MED1: variants seen among roughly 807,000 people sequenced by gnomAD.
MED1 encodes the protein mediator of RNA polymerase II transcription subunit 1.
A neutral mutation model predicts 121.3 loss-of-function variants in MED1; 17 were observed. The observed-to-expected ratio is 0.14, with a 90% CI of 0.10 to 0.21. The LOEUF is 0.21. Among genes scored for constraint, MED1 ranks in the 10% least tolerant of loss-of-function variants. MED1 has a pLI of 1.00. For synonymous variants in MED1, 661 were observed against 694.4 expected (o/e 0.95, Z 0.76); for missense variants, 1,558 against 1,919.4 (o/e 0.81, Z 3.52).
In MED1 at chr17:39,406,603, AC is replaced by A. The variant is rs1353726989; in HGVS notation, c.*871del. 1.0e-6 allele frequency: 1 copy of A among 983,778 alleles called. No individual in the cohort carries two copies. The highest frequency in any genetic ancestry group is 6.2e-5 in the Admixed American group (1 of 16,074). The allele number at this position is 983,778 out of a possible 1,614,324, so 60.9% of individuals were successfully genotyped here. ...AAGGAAAATGAGATTACAAGTCAATACCTCCACAGAGAGGTAACTCCTAATA... is the reference window on the plus strand; with the variant it reads ...AAGGAAAATGAGATTACAAGTCAATACTCCACAGAGAGGTAACTCCTAATA... On this transcript the variant is annotated 3_prime_UTR_variant, in exon 17 of 17. Transcript: ENST00000300651.
rs758440990 is a variant in MED1 at position 39,407,769 on chromosome 17, A to G, written c.4452T>C (p.Asp1484=). 5 of 1,614,070 alleles carry G rather than the reference A, an allele frequency of 3.1e-6. No individual in the cohort carries two copies. The highest frequency in any genetic ancestry group is 3.4e-6 in the Non-Finnish European group (4 of 1,180,020). The change falls in exon 17 of 17, where the codon GAT becomes GAC. Residue 1484 remains aspartate, a synonymous_variant. Transcript: ENST00000300651. ...KSYQNSPSSD[D]GIRPLPEYST... ...TGTATTCTGGAAGTGGTCGGATACC[A>G]TCGTCTGAGCTGGGACTATTCTGAT...
At chr17:39,443,722 G>A (rs2048700427) in intron 2 of MED1, 94 bp from the exon 3 acceptor site, 1 of 992,718 alleles carries the variant, frequency 1.0e-6, no homozygotes. Context: ...AATATTGCAG[G>A]ACAGTCTATA....
chr17:39,436,888 C>T (rs985695312), intron 6 of MED1, among the ~76,000 whole-genome samples: 28 of 152,162 alleles, frequency 1.8e-4, no homozygotes, highest in African/African-American at 6.7e-4. Context: ...GTGCCTCAGC[C>T]TCCTGAGTAG....
chr17:39,435,154 C>T (rs2144757476), intron 6 of MED1, among the ~76,000 whole-genome samples: 1 of 152,052 alleles, frequency 6.6e-6, no homozygotes, highest in East Asian at 1.9e-4. Flanking sequence ...GGCAACAGAG[C>T]AAGACTGTGT....
At chr17:39,439,471 G>A (rs1383423869) in intron 5 of MED1, among the ~76,000 whole-genome samples, 2 of 152,076 alleles carry the variant, frequency 1.3e-5, no homozygotes, top group African/African-American at 4.8e-5. Context: ...GCCATACATG[G>A]AATTCATATC....
intron 6 of MED1, among the ~76,000 whole-genome samples, chr17:39,437,529 C>T (rs972530700): frequency 4.6e-5 from 7 of 151,966 alleles, no homozygotes; most frequent in South Asian, 2.1e-4. Flanking sequence ...CCAGGCCACC[C>T]GGGAGCAAAG....
rs376147814 is a variant in MED1, at chr17:39,424,699, T to C, written c.779A>G (p.Glu260Gly). The C allele has an allele frequency of 2.0e-5, 32 of 1,611,640 alleles. No individual in the cohort carries two copies. The highest frequency in any genetic ancestry group is 2.5e-5 in the Non-Finnish European group (29 of 1,178,896). ...SLGMNASVTI[E>G]GTSAVYKLPI... is the part of the protein sequence containing the mutation. Reference sequence around the variant, plus strand: ...GAGTTTGTACACAGCAGATGTTCCTTCAATTGTCACTGATGCATTCATGCC... The same window carrying C: ...GAGTTTGTACACAGCAGATGTTCCTCCAATTGTCACTGATGCATTCATGCC... Residue 260 changes from glutamate (E) to glycine (G), a missense_variant, in exon 11 of 17, where the codon GAA (glutamate) becomes GGA (glycine). This residue lies in a region of MED1 where 443 missense variants were observed against 532.4 expected (regional missense o/e 0.83). Transcript: ENST00000300651.
Position 39,440,021 on chromosome 17 carries a change from A to AAGGAAGGAAG in MED1, c.399+364_399+365insCTTCCTTCCT, listed in dbSNP as rs1567652006. On this transcript the variant is annotated intron_variant, in intron 5 of 16. Transcript: ENST00000300651. The surrounding 1 kb of genome is among the most constrained non-coding windows in gnomAD (Gnocchi z 4.1). ...AGGAAGGAAGGAAGGAAGGAAGGAA[A>AAGGAAGGAAG]GAAAGAAAGAAAGAGAGAAAGAGAA... Among the ~76,000 whole-genome samples the AAGGAAGGAAG allele has an allele frequency of 0.047, 3,497 of 74,364 alleles. 46 individuals are homozygous for AAGGAAGGAAG. The highest frequency in any genetic ancestry group is 0.083 in the Non-Finnish European group (2,469 of 29,666). 48.8% of individuals were successfully genotyped at this position (74,364 alleles called of 152,430 possible).
intron 7 of MED1, 58 bp from the exon 8 acceptor site, chr17:39,432,074 T>C (rs2048569924): frequency 1.5e-6 from 2 of 1,292,704 alleles, no homozygotes. Context: ...CCAAGCGGGG[T>C]GGCTCAGCCT....
intron 16 of MED1, among the ~76,000 whole-genome samples, chr17:39,414,648 T>A: frequency 9.2e-6 from 1 of 109,096 alleles, no homozygotes; most frequent in East Asian, 2.5e-4. Flanking sequence ...TTTTTTTTTT[T>A]TTTTTTTTTT....
At position 39,437,143 on chromosome 17, in the gene MED1, G is replaced by C. The variant is rs539782060; in HGVS notation, c.428+2022C>G. ...GACGGGGTTTCTCCGTGTTGGTCAGGCTGGTCTCGAACTCCTGACTTCAGG... is the reference window on the plus strand; with the variant it reads ...GACGGGGTTTCTCCGTGTTGGTCAGCCTGGTCTCGAACTCCTGACTTCAGG... On this transcript the variant is annotated intron_variant, in intron 6 of 16. Coordinates refer to ENST00000300651, the MANE Select transcript of MED1 (RefSeq NM_004774.4). Among the ~76,000 whole-genome samples, 81 of 152,252 alleles carry C rather than the reference G, an allele frequency of 5.3e-4. 1 individual carries two copies. Among genetic ancestry groups the C allele is most frequent in the African/African-American group, 1.9e-3 (80 of 41,552 alleles).
chr17:39,432,803 G>A (rs906646608), intron 7 of MED1, among the ~76,000 whole-genome samples: 35 of 151,682 alleles, frequency 2.3e-4, no homozygotes, highest in Non-Finnish European at 4.3e-4. Flanking sequence ...GGTGGCTCAC[G>A]CCTGTAATCC....
In MED1 at chr17:39,406,720, T is replaced by C; in HGVS notation, c.*755A>G. 1.0e-6 allele frequency: 1 copy of C among 985,504 alleles called. No individual in the cohort carries two copies. Among genetic ancestry groups the C allele is most frequent in the Non-Finnish European group, 1.2e-6 (1 of 829,898 alleles). 61.0% of individuals were successfully genotyped at this position (985,504 alleles called of 1,614,324 possible). On this transcript the variant is annotated 3_prime_UTR_variant, in exon 17 of 17. Coordinates refer to ENST00000300651, the MANE Select transcript of MED1 (RefSeq NM_004774.4). ...TATATTTAACTCTAAAGGCGGGCTC[T>C]GACTAATTTGCTTGGGCTTGATGCT... is the stretch of plus-strand genomic sequence containing the variant.
chr17:39,407,567 AGAT>A lies in MED1; in HGVS notation c.4651_4653del (p.Ile1551del), dbSNP rs1219962766. The A allele has an allele frequency of 6.2e-7, 1 of 1,614,074 alleles. No homozygotes were observed. The highest frequency in any genetic ancestry group is 8.5e-7 in the Non-Finnish European group (1 of 1,179,984). On this transcript the variant is annotated inframe_deletion, in exon 17 of 17. Transcript: ENST00000300651. The stretch of plus-strand genomic sequence containing the variant: ...AGCCTTGAGGGTCTGTCTGCAGATA[AGAT>A]TGTGTTACTTGTCATAGACAAGGAC...
intron 1 of MED1, among the ~76,000 whole-genome samples, chr17:39,449,053 T>A (rs929691564): frequency 1.1e-4 from 16 of 151,716 alleles, no homozygotes; most frequent in African/African-American, 3.9e-4. Context: ...TTTTTTTTTT[T>A]AAGACAGAGT....
intron 13 of MED1, among the ~76,000 whole-genome samples, chr17:39,420,295 G>A (rs969845736): frequency 6.7e-6 from 1 of 149,728 alleles, no homozygotes; most frequent in East Asian, 2.0e-4. Context: ...CGCCTCCCGA[G>A]TTCATGCCAT....
intron 1 of MED1, among the ~76,000 whole-genome samples, 191 bp downstream of exon 1, chr17:39,450,847 C>T (rs2048775478): frequency 6.6e-6 from 1 of 151,994 alleles, no homozygotes; most frequent in Non-Finnish European, 1.5e-5. Context: ...GTTGAGAGTC[C>T]CCATCGCCCT....
At chr17:39,427,621 T>A in intron 10 of MED1, 80 bp downstream of exon 10, 1 of 1,022,304 alleles carries the variant, frequency 9.8e-7, no homozygotes, top group East Asian at 2.5e-5. Flanking sequence ...AACAAACTCA[T>A]TAGAGAATAG....
At chr17:39,429,168 C>T in intron 9 of MED1, among the ~76,000 whole-genome samples, 1 of 150,828 alleles carries the variant, frequency 6.6e-6, no homozygotes, top group Non-Finnish European at 1.5e-5. Context: ...CTAGGCAACA[C>T]AGTGAGACCC....
Sources: allele counts gnomAD v4.1 joint callset (sites outside exome capture counted in the v4.1 genomes callset), GRCh38; gene constraint gnomAD v4.1.1; regional missense constraint gnomAD v4.1.1; non-coding constraint Gnocchi (gnomAD v3.1); transcripts MANE v1.5; gene names NCBI Gene and HGNC (gene_info 2026-07-23, HGNC 2026-07-21).